Variants in ROBO2 observed in about 807,000 individuals in gnomAD.
The protein encoded by ROBO2 is roundabout homolog 2.
Under a neutral mutation model 160.8 loss-of-function variants are expected in ROBO2, and 53 were observed. The ratio of observed to expected loss-of-function variants is 0.33; its 90% confidence interval spans 0.26 to 0.41. The LOEUF (loss-of-function observed/expected upper bound fraction) is 0.41. ROBO2 is among the 10% of genes least tolerant of loss of function. The pLI is 1.00. For synonymous variants in ROBO2, 664 were observed against 611.7 expected, an observed-to-expected ratio of 1.09 and a Z score of -1.26; for missense variants, 1,577 against 1,722.4, an observed-to-expected ratio of 0.92 and a Z score of 1.49.
intron 2 of ROBO2, among the ~76,000 whole-genome samples, chr3:77,428,349 T>A (rs2078422323): frequency 9.5e-6 from 1 of 105,714 alleles, no homozygotes; most frequent in East Asian, 3.7e-4. Flanking sequence ...ATTTTTTTTT[T>A]TTTTTTTTTT....
chr3:77,630,834 G>A (rs1225562398), intron 23 of ROBO2: 1 of 151,822 alleles, frequency 6.6e-6, no homozygotes, highest in Non-Finnish European at 1.5e-5. Flanking sequence ...ACAAGAGCAG[G>A]CATTTAGAAA....
intron 2 of ROBO2, among the ~76,000 whole-genome samples, chr3:76,449,541 A>C (rs1351662196): frequency 6.6e-6 from 1 of 152,068 alleles, no homozygotes; most frequent in African/African-American, 2.4e-5. Context: ...ATTTAACTGG[A>C]GTTTGAAGGA....
chr3:76,122,923 A>G (rs961896269), intron 2 of ROBO2, among the ~76,000 whole-genome samples: 1 of 152,102 alleles, frequency 6.6e-6, no homozygotes, highest in Admixed American at 6.6e-5. Flanking sequence ...AACTTTTTGT[A>G]TTTTTAGTAG....
intron 2 of ROBO2, among the ~76,000 whole-genome samples, chr3:77,445,897 G>A (rs1344109976): frequency 6.6e-6 from 1 of 151,088 alleles, no homozygotes; most frequent in Non-Finnish European, 1.5e-5. Flanking sequence ...TACTGTACAG[G>A]TGAAATAATT....
At chr3:76,753,629 G>T (rs145065527) in intron 2 of ROBO2, among the ~76,000 whole-genome samples, 1 of 151,756 alleles carries the variant, frequency 6.6e-6, no homozygotes, top group African/African-American at 2.4e-5. Context: ...CTTCATATGC[G>T]ATTTATAGCA....
intron 2 of ROBO2, among the ~76,000 whole-genome samples, chr3:75,993,789 C>T (rs2065641746): frequency 6.6e-6 from 1 of 152,136 alleles, no homozygotes; most frequent in African/African-American, 2.4e-5. Flanking sequence ...GACTGGTGGT[C>T]ATGGTATCCA....
chr3:76,774,496 G>C (rs2062109758), intron 2 of ROBO2, among the ~76,000 whole-genome samples: 1 of 150,792 alleles, frequency 6.6e-6, no homozygotes, highest in South Asian at 2.1e-4. Flanking sequence ...ATTTTCTGGT[G>C]AATCATGTTT....
rs112124939 is a variant in ROBO2, at chr3:75,932,286, C to T, written c.-13-5195C>T. Among the ~76,000 whole-genome samples the T allele has an allele frequency of 6.7e-3, 1,014 of 152,222 alleles. 17 individuals carry two copies. Among genetic ancestry groups the T allele is most frequent in the African/African-American group, 0.024 (981 of 41,538 alleles). ...GGTCTCTTAGTTATATTCATTTAAA[C>T]TTAGACTTAGATGATTTGTCACTAT... On this transcript the variant is annotated intron_variant, in intron 1 of 26. Transcript: ENST00000487694.
Position 77,546,376 on chromosome 3 carries a change from G to T in ROBO2, c.973G>T (p.Val325Phe), listed in dbSNP as rs765668999. 6.8e-6 allele frequency: 11 copies of T among 1,613,122 alleles called. No homozygotes were observed. The highest frequency in any genetic ancestry group is 1.7e-5 in the Admixed American group (1 of 59,950). The change falls in exon 7 of 26, where the codon GTT becomes TTT. Residue 325 changes from valine to phenylalanine, a missense_variant. By Grantham distance (50) the Val-to-Phe change is conservative. Coordinates refer to ENST00000461745, the Ensembl canonical transcript of ROBO2. The stretch of plus-strand genomic sequence containing the variant: ...TGTGGTTCGGCCAAGAGATCAGATT[G>T]TTGCTCAAGGTCGAACAGTGACATT...
intron 5 of ROBO2, among the ~76,000 whole-genome samples, chr3:77,493,656 C>T (rs1395081938): frequency 6.6e-6 from 1 of 152,144 alleles, no homozygotes; most frequent in African/African-American, 2.4e-5. Context: ...CCTTCTTTCC[C>T]CTGGACCCTT....
At chr3:76,442,643 C>T (rs550034623) in intron 2 of ROBO2, among the ~76,000 whole-genome samples, 55 of 152,212 alleles carry the variant, frequency 3.6e-4, no homozygotes, top group Non-Finnish European at 6.2e-4. Context: ...AACAATTCCT[C>T]GGTTTCAAAT....
At chr3:77,559,589 C>T (rs780928115) in intron 9 of ROBO2, among the ~76,000 whole-genome samples, 38 of 152,038 alleles carry the variant, frequency 2.5e-4, no homozygotes, top group Non-Finnish European at 5.6e-4. Context: ...TTAGAATCTT[C>T]CCATTCTGGA....
intron 2 of ROBO2, among the ~76,000 whole-genome samples, chr3:76,594,904 G>A (rs1013677083): frequency 1.3e-5 from 2 of 151,832 alleles, no homozygotes; most frequent in South Asian, 2.1e-4. Context: ...ATAAAGCTAC[G>A]GACTAAATTT....
chr3:77,504,936 A>G (rs1221170720), intron 5 of ROBO2, among the ~76,000 whole-genome samples: 2 of 152,220 alleles, frequency 1.3e-5, no homozygotes, highest in Non-Finnish European at 2.9e-5. Context: ...CATAAGTGGA[A>G]TAGCAATGGC....
rs566758229 is a variant in ROBO2 at position 76,961,008 on chromosome 3, G to C, written c.110-137006G>C. ...AATTTGTGTATCCAGTGGTATTATTGAATGTAAAGTCTTTTATATAAGCAC... is the reference window on the plus strand; with the variant it reads ...AATTTGTGTATCCAGTGGTATTATTCAATGTAAAGTCTTTTATATAAGCAC... On this transcript the variant is annotated intron_variant, in intron 2 of 26. Transcript: ENST00000487694. Among the ~76,000 whole-genome samples the C allele has an allele frequency of 1.1e-4, 16 of 152,130 alleles. No individual in the cohort carries two copies. The South Asian group carries it at 3.3e-3, about 32-fold the overall frequency.
At chr3:77,222,399 A>T (rs1225167713) in intron 2 of ROBO2, among the ~76,000 whole-genome samples, 3 of 152,212 alleles carry the variant, frequency 2.0e-5, no homozygotes, top group Non-Finnish European at 4.4e-5. Context: ...ACCTGTCAGA[A>T]TTTGAATATC....
At chr3:77,481,061 T>G in intron 3 of ROBO2, 38 bp from the exon 4 acceptor site, 1 of 1,547,830 alleles carries the variant, frequency 6.5e-7, no homozygotes, top group Non-Finnish European at 8.9e-7. Flanking sequence ...CTGTTCCTTT[T>G]TCTTCCCTTC....
intron 6 of ROBO2, among the ~76,000 whole-genome samples, chr3:77,545,701 C>T (rs2092671461): frequency 6.6e-6 from 1 of 152,058 alleles, no homozygotes; most frequent in Non-Finnish European, 1.5e-5. Context: ...CCTGACTAAC[C>T]TTTATCTATC....
intron 1 of ROBO2, among the ~76,000 whole-genome samples, chr3:77,055,489 T>C (rs1435680750): frequency 2.6e-5 from 4 of 152,178 alleles, no homozygotes; most frequent in African/African-American, 4.8e-5. Flanking sequence ...AAAGAAAATA[T>C]GGTAGACTCA....
Sources: allele counts gnomAD v4.1 joint callset (sites outside exome capture counted in the v4.1 genomes callset), GRCh38; gene constraint gnomAD v4.1.1; transcripts MANE v1.5; gene names NCBI Gene and HGNC (gene_info 2026-07-23, HGNC 2026-07-21).